NHSL1: variants seen among roughly 807,000 people sequenced by gnomAD.
NHSL1 encodes the protein NHS like 1.
Under a neutral mutation model 95.0 loss-of-function variants are expected in NHSL1, and 48 were observed. The observed-to-expected ratio is 0.51, with a 90% CI of 0.40 to 0.64. The LOEUF is 0.64. Among genes scored for constraint, NHSL1 ranks in the 30% least tolerant of loss-of-function variants. NHSL1 has a pLI of 0.00. For missense variants in NHSL1, 1,971 were observed against 2,077.7 expected, an observed-to-expected ratio of 0.95 and a Z score of 1.00; for synonymous variants, 783 against 833.9, an observed-to-expected ratio of 0.94 and a Z score of 1.05.
chr6:138,478,985 T>C (rs1185347881), intron 2 of NHSL1, among the ~76,000 whole-genome samples: 1 of 152,242 alleles, frequency 6.6e-6, no homozygotes, highest in Non-Finnish European at 1.5e-5. Flanking sequence ...TTATTACTGC[T>C]GTGGCCTCCA....
intron 1 of NHSL1, among the ~76,000 whole-genome samples, chr6:138,528,512 G>A (rs193138139): frequency 3.5e-4 from 54 of 152,268 alleles, no homozygotes; most frequent in Admixed American, 2.9e-3. Flanking sequence ...TTGATGTTTT[G>A]AGAGGGAAAA....
chr6:138,455,218 T>C (rs547471687), intron 3 of NHSL1, among the ~76,000 whole-genome samples: 1 of 152,306 alleles, frequency 6.6e-6, no homozygotes, highest in African/African-American at 2.4e-5. Flanking sequence ...TAACACATGA[T>C]TGGACATGGA....
chr6:138,570,620 C>T (rs1440565207), intron 1 of NHSL1, among the ~76,000 whole-genome samples: 1 of 152,218 alleles, frequency 6.6e-6, no homozygotes, highest in East Asian at 1.9e-4. Context: ...ATAGTTTACA[C>T]ACACATTCAC....
At chr6:138,429,884 T>A (rs1174859466) in intron 6 of NHSL1, 41 bp from the exon 7 acceptor site, 81 of 1,529,578 alleles carry the variant, frequency 5.3e-5, no homozygotes, top group Non-Finnish European at 6.9e-5. Context: ...CACAAGTGAC[T>A]GGAATTTCAG....
intron 1 of NHSL1, among the ~76,000 whole-genome samples, chr6:138,551,175 A>C (rs915646443): frequency 3.3e-5 from 5 of 152,206 alleles, no homozygotes; most frequent in Non-Finnish European, 7.3e-5. Flanking sequence ...ATAGGTATGG[A>C]TGTATAAGAA....
chr6:138,458,073 T>A (rs1279378518), intron 3 of NHSL1, among the ~76,000 whole-genome samples: 1 of 148,812 alleles, frequency 6.7e-6, no homozygotes, highest in East Asian at 2.0e-4. Flanking sequence ...CGGTTAGGAG[T>A]CTTAGTCTTA....
chr6:138,526,307 C>A (rs1488288174), intron 1 of NHSL1, among the ~76,000 whole-genome samples: 1 of 151,902 alleles, frequency 6.6e-6, no homozygotes, highest in Non-Finnish European at 1.5e-5. Flanking sequence ...ACATGGCAAA[C>A]CTCTGTCTCT....
At chr6:138,582,800 T>A (rs7738494) in intron 1 of NHSL1, among the ~76,000 whole-genome samples, 3,685 of 152,260 alleles carry the variant, frequency 0.024, 145 homozygotes, top group African/African-American at 0.084. Context: ...CTCTGGAACA[T>A]TTCTCATCTT....
chr6:138,627,947 T>G (rs1784765077), intron 1 of NHSL1, among the ~76,000 whole-genome samples: 1 of 152,178 alleles, frequency 6.6e-6, no homozygotes, highest in African/African-American at 2.4e-5. Flanking sequence ...TAAAATATTC[T>G]TGTCAACATA....
intron 1 of NHSL1, among the ~76,000 whole-genome samples, chr6:138,637,813 T>C (rs546016122): frequency 6.6e-6 from 1 of 152,296 alleles, no homozygotes; most frequent in Admixed American, 6.5e-5. Flanking sequence ...GAAGAGCAGT[T>C]TGGAGGTTCC....
At chr6:138,599,132 C>T (rs2114553204) in intron 1 of NHSL1, among the ~76,000 whole-genome samples, 1 of 152,292 alleles carries the variant, frequency 6.6e-6, no homozygotes, top group Non-Finnish European at 1.5e-5. Context: ...ACATTCTGAG[C>T]TACCTAATTG....
chr6:138,623,643 G>T (rs1583454361), intron 1 of NHSL1, among the ~76,000 whole-genome samples: 1 of 152,064 alleles, frequency 6.6e-6, no homozygotes, highest in African/African-American at 2.4e-5. Context: ...CTGAAATTTT[G>T]TATCCTTTGA....
intron 1 of NHSL1, among the ~76,000 whole-genome samples, chr6:138,532,751 G>A (rs1438360058): frequency 1.3e-5 from 2 of 152,140 alleles, no homozygotes; most frequent in Non-Finnish European, 2.9e-5. Flanking sequence ...CTGATTCCTA[G>A]GTTAGGGGTC....
intron 1 of NHSL1, among the ~76,000 whole-genome samples, chr6:138,537,250 G>A (rs972788120): frequency 1.1e-4 from 16 of 152,328 alleles, no homozygotes; most frequent in Middle Eastern, 6.8e-3. Context: ...GGAGCTGTTA[G>A]AGCGGTATCA....
At chr6:138,451,433 T>A (rs1337005316) in intron 3 of NHSL1, among the ~76,000 whole-genome samples, 1 of 152,242 alleles carries the variant, frequency 6.6e-6, no homozygotes, top group Non-Finnish European at 1.5e-5. Context: ...GCTTTTTTTC[T>A]CTTTAGTACA....
chr6:138,596,460 C>T (rs1784303824), intron 1 of NHSL1, among the ~76,000 whole-genome samples: 1 of 152,164 alleles, frequency 6.6e-6, no homozygotes, highest in Non-Finnish European at 1.5e-5. Context: ...CAGAAACAGT[C>T]TAAAAGGATT....
At chr6:138,464,203 G>A in intron 3 of NHSL1, 1 of 729,348 alleles carries the variant, frequency 1.4e-6, no homozygotes, top group South Asian at 1.8e-5. Flanking sequence ...GCCTGACAGA[G>A]GCTGAGAGGC....
At chr6:138,646,412 T>C (rs1218879375) in intron 1 of NHSL1, among the ~76,000 whole-genome samples, 3 of 152,102 alleles carry the variant, frequency 2.0e-5, no homozygotes, top group African/African-American at 7.2e-5. Context: ...GAGGATCATA[T>C]GAGCCTGGGA....
At chr6:138,489,666 G>A (rs1262470958) in intron 2 of NHSL1, among the ~76,000 whole-genome samples, 1 of 150,816 alleles carries the variant, frequency 6.6e-6, no homozygotes, top group Non-Finnish European at 1.5e-5. Flanking sequence ...GGGTGCTGAG[G>A]TGGGAGGATG....
Sources: gnomAD v4.1 joint callset for allele counts (sites outside exome capture counted in the v4.1 genomes callset) on GRCh38, gnomAD v4.1.1 for gene constraint, MANE v1.5 for transcripts, NCBI Gene and HGNC (gene_info 2026-07-23, HGNC 2026-07-21) for gene names.